The following TTC7B variants were observed in gnomAD, a reference collection of about 807,000 sequenced individuals.
TTC7B encodes the protein tetratricopeptide repeat protein 7B.
TTC7B carries 28 observed loss-of-function variants against 106.8 expected under a neutral mutation model. The ratio of observed to expected loss-of-function variants is 0.26; its 90% confidence interval spans 0.19 to 0.36. The LOEUF is 0.36. Ranked by LOEUF, TTC7B falls within the 10% of genes least tolerant of loss-of-function variation. The pLI is 1.00. For synonymous variants in TTC7B, 405 were observed against 430.6 expected, an observed-to-expected ratio of 0.94 and a Z score of 0.74; for missense variants, 862 against 1,076.4, an observed-to-expected ratio of 0.80 and a Z score of 2.79.
intron 5 of TTC7B, among the ~76,000 whole-genome samples, chr14:90,728,329 C>A (rs1255063224): frequency 2.3e-5 from 3 of 131,982 alleles, no homozygotes; most frequent in Admixed American, 1.6e-4. Flanking sequence ...AAGACCTCGT[C>A]CCCCCCGCAA....
At chr14:90,786,777 CA>C (rs1891406892) in intron 1 of TTC7B, among the ~76,000 whole-genome samples, 1 of 152,138 alleles carries the variant, frequency 6.6e-6, no homozygotes, top group African/African-American at 2.4e-5. Context: ...AACAGGGTTT[CA>C]CCATGTTAGC....
chr14:90,576,242 G>A lies in TTC7B; in HGVS notation c.2310+1864C>T, dbSNP rs535942606. Among the ~76,000 whole-genome samples the A allele has an allele frequency of 5.3e-5, 8 of 152,110 alleles. 1 individual carries two copies. The highest frequency in any genetic ancestry group is 1.2e-4 in the African/African-American group (5 of 41,488). On this transcript the variant is annotated intron_variant, in intron 19 of 19. Coordinates refer to ENST00000328459, the MANE Select transcript of TTC7B (RefSeq NM_001010854.2). ...TTTAATAAAAAGGCTGGGACATGGC[G>A]GGGATTGTACGTCTTCTAGATGCTC...
chr14:90,661,739 T>G (rs533200610), intron 9 of TTC7B, among the ~76,000 whole-genome samples: 2 of 151,628 alleles, frequency 1.3e-5, no homozygotes, highest in Non-Finnish European at 3.0e-5. Context: ...TACTTAAACA[T>G]TTATATGTTT....
chr14:90,573,213 A>T (rs1891101075), intron 19 of TTC7B, among the ~76,000 whole-genome samples: 1 of 152,308 alleles, frequency 6.6e-6, no homozygotes, highest in South Asian at 2.1e-4. Context: ...GCTGTGAAAT[A>T]TAATGGCCTC....
At chr14:90,643,564 T>G (rs1885284932) in intron 15 of TTC7B, among the ~76,000 whole-genome samples, 1 of 143,828 alleles carries the variant, frequency 7.0e-6, no homozygotes, top group Non-Finnish European at 1.6e-5. Context: ...CAGCCTAAGT[T>G]TTTTGTTTGT....
chr14:90,641,312 G>A (rs72691748), intron 15 of TTC7B, among the ~76,000 whole-genome samples: 13,724 of 152,256 alleles, frequency 0.09, 667 homozygotes, highest in East Asian at 0.16. Context: ...CCAACAGGTG[G>A]ACAGAGCTGA....
At chr14:90,636,605 T>G (rs1214656640) in intron 15 of TTC7B, among the ~76,000 whole-genome samples, 1 of 152,048 alleles carries the variant, frequency 6.6e-6, no homozygotes, top group African/African-American at 2.4e-5. Context: ...GCAGAAAACA[T>G]TCTTTTCAGG....
At chr14:90,755,407 G>A (rs1258373488) in intron 3 of TTC7B, among the ~76,000 whole-genome samples, 1 of 152,168 alleles carries the variant, frequency 6.6e-6, no homozygotes, top group African/African-American at 2.4e-5. Context: ...TAGTGTTCTG[G>A]GAGGTCAAGG....
chr14:90,586,827 C>A (rs1308919562), intron 18 of TTC7B, among the ~76,000 whole-genome samples: 1 of 152,202 alleles, frequency 6.6e-6, no homozygotes. Context: ...GAAGTCTCTG[C>A]CTCCCTGACT....
At chr14:90,573,144 C>A (rs1891098176) in intron 19 of TTC7B, among the ~76,000 whole-genome samples, 1 of 152,182 alleles carries the variant, frequency 6.6e-6, no homozygotes, top group Admixed American at 6.5e-5. Flanking sequence ...TTGGAAACTT[C>A]ATTTAAGGGG....
chr14:90,601,102 G>A (rs553084933), intron 17 of TTC7B, among the ~76,000 whole-genome samples: 2 of 152,170 alleles, frequency 1.3e-5, no homozygotes, highest in African/African-American at 4.8e-5. Flanking sequence ...CTTGTTTAAA[G>A]AAAGATACTA....
chr14:90,816,138 G>GC (rs1325174755), intron 1 of TTC7B, 37 bp downstream of exon 1: 7 of 1,091,598 alleles, frequency 6.4e-6, no homozygotes, highest in South Asian at 2.3e-5. Context: ...AGGCCGCGGC[G>GC]CCCCCCGCAG....
intron 1 of TTC7B, among the ~76,000 whole-genome samples, chr14:90,798,978 T>C (rs1229147128): frequency 6.6e-6 from 1 of 152,166 alleles, no homozygotes; most frequent in Non-Finnish European, 1.5e-5. Flanking sequence ...CACTGTGTGC[T>C]CTTGGTCTAG....
At chr14:90,603,349 C>T (rs1892510196) in intron 17 of TTC7B, 7 of 1,249,084 alleles carry the variant, frequency 5.6e-6, no homozygotes, top group Non-Finnish European at 7.3e-6. Context: ...AGAAACAAAA[C>T]ATTTGAAAAA....
chr14:90,701,077 C>T (rs1446743906), intron 5 of TTC7B, among the ~76,000 whole-genome samples: 1 of 151,738 alleles, frequency 6.6e-6, no homozygotes, highest in East Asian at 2.0e-4. Flanking sequence ...ATCAAACCCA[C>T]AACCTTGGCC....
intron 9 of TTC7B, among the ~76,000 whole-genome samples, chr14:90,658,756 T>A (rs1886058819): frequency 6.6e-6 from 1 of 152,208 alleles, no homozygotes; most frequent in Admixed American, 6.5e-5. Flanking sequence ...AGGAATGGCA[T>A]CAGGGAGAAT....
intron 1 of TTC7B, among the ~76,000 whole-genome samples, chr14:90,796,788 T>C (rs926377204): frequency 1.3e-5 from 2 of 151,978 alleles, no homozygotes; most frequent in African/African-American, 4.8e-5. Flanking sequence ...CAGGGAGGAG[T>C]TGGCTCCTCA....
intron 16 of TTC7B, among the ~76,000 whole-genome samples, chr14:90,616,599 C>T (rs1221448922): frequency 6.6e-6 from 1 of 152,208 alleles, no homozygotes; most frequent in Non-Finnish European, 1.5e-5. Flanking sequence ...CTCTTCCTTC[C>T]AGGTGCACTG....
intron 13 of TTC7B, among the ~76,000 whole-genome samples, chr14:90,651,849 T>C (rs1470895239): frequency 6.6e-6 from 1 of 152,188 alleles, no homozygotes; most frequent in Non-Finnish European, 1.5e-5. Context: ...GACACCATGA[T>C]AAATCAGTAG....
Sources: gnomAD v4.1 joint callset for allele counts (sites outside exome capture counted in the v4.1 genomes callset) on GRCh38, gnomAD v4.1.1 for gene constraint, MANE v1.5 for transcripts, NCBI Gene and HGNC (gene_info 2026-07-23, HGNC 2026-07-21) for gene names.